The following ATP8A1 variants were observed in gnomAD, a reference collection of about 807,000 sequenced individuals.
ATP8A1 encodes the protein phospholipid-transporting ATPase IA.
Under a neutral mutation model 177.7 loss-of-function variants are expected in ATP8A1, and 90 were observed. The ratio of observed to expected loss-of-function variants is 0.51; its 90% CI spans 0.43 to 0.60. The LOEUF (loss-of-function observed/expected upper bound fraction) is 0.60. ATP8A1 is among the 20% of genes least tolerant of loss of function. The pLI is 0.00. For synonymous variants in ATP8A1, 493 were observed against 485.9 expected (o/e 1.01, Z -0.19); for missense variants, 1,072 against 1,392.8 (o/e 0.77, Z 3.67).
intron 6 of ATP8A1, among the ~76,000 whole-genome samples, chr4:42,599,346 G>A (rs1454612647): frequency 3.9e-5 from 6 of 152,112 alleles, no homozygotes; most frequent in Non-Finnish European, 7.4e-5. Flanking sequence ...CCAGAAAAGA[G>A]TAGAAAAGAA....
chr4:42,594,464 C>T (rs746736497), intron 6 of ATP8A1: 36 of 670,258 alleles, frequency 5.4e-5, no homozygotes, highest in Admixed American at 9.0e-5. Context: ...AAATGGTTAT[C>T]GGCAAACAAG....
chr4:42,575,528 G>T, intron 13 of ATP8A1, 94 bp downstream of exon 13: 3 of 931,178 alleles, frequency 3.2e-6, no homozygotes, highest in Non-Finnish European at 3.4e-6. Flanking sequence ...AAAATTAAAA[G>T]CTGTCCATTC....
intron 24 of ATP8A1, among the ~76,000 whole-genome samples, chr4:42,491,033 T>A (rs189337109): frequency 2.6e-4 from 40 of 152,306 alleles, no homozygotes; most frequent in Non-Finnish European, 5.4e-4. Flanking sequence ...AGGATTGTTG[T>A]CTGCTGCCTG....
intron 24 of ATP8A1, among the ~76,000 whole-genome samples, chr4:42,490,489 CCT>C (rs1482809665): frequency 9.2e-5 from 14 of 152,164 alleles, no homozygotes; most frequent in African/African-American, 1.7e-4. Flanking sequence ...AAATTTGGCC[CCT>C]GTCACTTCGG....
intron 22 of ATP8A1, among the ~76,000 whole-genome samples, chr4:42,509,583 A>G (rs968183890): frequency 6.6e-6 from 1 of 152,220 alleles, no homozygotes; most frequent in African/African-American, 2.4e-5. Context: ...TTTCTTGGCC[A>G]GGCGCGGTGG....
At chr4:42,528,398 A>G (rs549544142) in intron 20 of ATP8A1, among the ~76,000 whole-genome samples, 1 of 152,184 alleles carries the variant, frequency 6.6e-6, no homozygotes, top group East Asian at 1.9e-4. Context: ...TGAAAGACGC[A>G]GGGGTGGTGA....
Position 42,443,594 on chromosome 4 carries a change from TG to T in ATP8A1, c.3093del (p.Ile1032PhefsTer72). 1 of 1,487,134 alleles carries T rather than the reference TG, an allele frequency of 6.7e-7. No individual in the cohort carries two copies. Among genetic ancestry groups the T allele is most frequent in the Non-Finnish European group, 9.4e-7 (1 of 1,064,038 alleles). The allele number at this position is 1,487,134 out of a possible 1,614,324, so 92.1% of individuals were successfully genotyped here. ...CCTGACATATCAGGGGCCATCGGAA[TG>T]GCAGGCCACAGAGATGAGTAGATTC... is the stretch of plus-strand genomic sequence containing the variant. ...FFGIYSSLWP[A>X]IPMAPDMSGE... On this transcript the variant is annotated frameshift_variant, in exon 33 of 37. Coordinates refer to ENST00000381668, the MANE Select transcript of ATP8A1 (RefSeq NM_006095.2). LOFTEE classifies it high-confidence loss of function.
chr4:42,466,558 G>A (rs992353269), intron 25 of ATP8A1, among the ~76,000 whole-genome samples: 1 of 152,124 alleles, frequency 6.6e-6, no homozygotes, highest in Non-Finnish European at 1.5e-5. Flanking sequence ...AAGTCAATTG[G>A]TCTCCTCTTC....
chr4:42,532,489 AT>A (rs1727374021), intron 20 of ATP8A1, among the ~76,000 whole-genome samples: 1 of 152,162 alleles, frequency 6.6e-6, no homozygotes, highest in Non-Finnish European at 1.5e-5. Flanking sequence ...CAAAAAAAAA[AT>A]AAATAAATTG....
At position 42,414,645 on chromosome 4, in the gene ATP8A1, A is replaced by G. The variant is rs765846021; in HGVS notation, c.3379T>C (p.Leu1127=). Residue 1127 remains leucine (L), a synonymous_variant, in exon 36 of 37, where the codon TTG becomes CTG. Coordinates refer to ENST00000381668, the MANE Select transcript of ATP8A1 (RefSeq NM_006095.2). ...TACTCACGGAGCAGATTTTGTTGCA[A>G]GGATTCAGAGCGGTACAAGTTCACG... The part of the protein sequence containing the change: ...NHVNLYRSES[L]QQNLLHGYAF... 33 of 1,613,912 alleles carry G rather than the reference A, an allele frequency of 2.0e-5. No homozygotes were observed. The East Asian group carries it at 6.7e-4, about 33-fold the overall frequency.
chr4:42,532,057 A>C (rs1464149684), intron 20 of ATP8A1, among the ~76,000 whole-genome samples: 1 of 152,096 alleles, frequency 6.6e-6, no homozygotes, highest in East Asian at 1.9e-4. Context: ...AGCCATGATC[A>C]TACCACTGCA....
intron 1 of ATP8A1, among the ~76,000 whole-genome samples, chr4:42,631,847 C>T (rs1320207032): frequency 3.3e-5 from 5 of 152,166 alleles, no homozygotes; most frequent in South Asian, 2.1e-4. Context: ...TAGAAAGAAA[C>T]GAGAAGGTAT....
chr4:42,584,929 A>C (rs2109352880), intron 9 of ATP8A1, among the ~76,000 whole-genome samples: 1 of 152,288 alleles, frequency 6.6e-6, no homozygotes, highest in Non-Finnish European at 1.5e-5. Context: ...ACAATGGCCT[A>C]CAAAGCCCAT....
At chr4:42,632,443 A>C (rs1738839641) in intron 1 of ATP8A1, among the ~76,000 whole-genome samples, 1 of 152,332 alleles carries the variant, frequency 6.6e-6, no homozygotes, top group Admixed American at 6.5e-5. Context: ...TTTGCTATGC[A>C]TATTTTAAAC....
intron 9 of ATP8A1, among the ~76,000 whole-genome samples, chr4:42,585,865 G>A (rs1733564424): frequency 6.6e-6 from 1 of 151,992 alleles, no homozygotes. Flanking sequence ...TAATACCACA[G>A]GCTAGAAAGA....
intron 15 of ATP8A1, among the ~76,000 whole-genome samples, chr4:42,558,566 A>T (rs984251216): frequency 6.6e-6 from 1 of 152,244 alleles, no homozygotes; most frequent in Non-Finnish European, 1.5e-5. Context: ...AAAATATTCA[A>T]AGAATATATG....
rs537110147 is a variant in ATP8A1 at position 42,551,242 on chromosome 4, A to C, written c.1558T>G (p.Phe520Val). ...TCGGGTGTTCTTCCAGTGAAAACAAAATTCAATTGCTTGGCTGCTCTGACC... is the reference window on the plus strand; with the variant it reads ...TCGGGTGTTCTTCCAGTGAAAACAACATTCAATTGCTTGGCTGCTCTGACC... ...ALVRAAKQLNFVFTGRTPDSV... is the reference protein window; with the variant it reads ...ALVRAAKQLNVVFTGRTPDSV... The change falls in exon 18 of 37, where the codon TTT becomes GTT. Residue 520 changes from phenylalanine (F) to valine (V), a missense_variant. By Grantham distance (50) the Phe-to-Val change is conservative. Coordinates refer to ENST00000381668, the MANE Select transcript of ATP8A1 (RefSeq NM_006095.2). The C allele has an allele frequency of 6.2e-7, 1 of 1,613,984 alleles. No homozygotes were observed. Among genetic ancestry groups the C allele is most frequent in the African/African-American group, 1.3e-5 (1 of 75,050 alleles).
chr4:42,613,327 AG>A (rs1464559188), intron 5 of ATP8A1, among the ~76,000 whole-genome samples: 1 of 144,252 alleles, frequency 6.9e-6, no homozygotes, highest in Non-Finnish European at 1.6e-5. Flanking sequence ...AAGATCTGAA[AG>A]AAAGTACAGT....
chr4:42,412,754 T>C lies in ATP8A1; in HGVS notation c.*162A>G, dbSNP rs1712762034. On this transcript the variant is annotated 3_prime_UTR_variant, in exon 37 of 37. Coordinates refer to ENST00000381668, the MANE Select transcript of ATP8A1 (RefSeq NM_006095.2). ...GTGTTACAGTACAGTTGCACAGTGC[T>C]TATGTCTATAATATACATGAATCTG... is the stretch of plus-strand genomic sequence containing the variant. 4.9e-6 allele frequency: 3 copies of C among 606,466 alleles called. No homozygotes were observed. Among genetic ancestry groups the C allele is most frequent in the Non-Finnish European group, 8.8e-6 (3 of 342,160 alleles). 37.6% of individuals were successfully genotyped at this position (606,466 alleles called of 1,614,324 possible).
Sources: allele counts gnomAD v4.1 joint callset (sites outside exome capture counted in the v4.1 genomes callset), GRCh38; gene constraint gnomAD v4.1.1; transcripts MANE v1.5; gene names NCBI Gene and HGNC (gene_info 2026-07-23, HGNC 2026-07-21).